Variants in PRIM2 observed in about 807,000 individuals in gnomAD.
PRIM2 encodes DNA primase large subunit.
PRIM2 carries 39 observed loss-of-function variants against 67.3 expected under a neutral mutation model. The observed-to-expected ratio is 0.58, with a 90% CI of 0.45 to 0.76. The LOEUF is 0.76. Among genes scored for constraint, PRIM2 ranks in the 30% least tolerant of loss-of-function variants. The pLI, the probability that PRIM2 is intolerant of heterozygous loss-of-function variation, is 0.00. For missense variants in PRIM2, 398 were observed against 598.7 expected, an observed-to-expected ratio of 0.66 and a Z score of 3.50; for synonymous variants, 143 against 198.7, an observed-to-expected ratio of 0.72 and a Z score of 2.36.
chr6:57,499,753 G>C (rs2127457053), intron 7 of PRIM2, among the ~76,000 whole-genome samples: 1 of 152,230 alleles, frequency 6.6e-6, no homozygotes, highest in African/African-American at 2.4e-5. Flanking sequence ...CCTAGTGATG[G>C]GAAAGAAAGA....
the PRIM2 span, among the ~76,000 whole-genome samples, chr6:57,245,221 T>C: frequency 6.6e-6 from 1 of 152,138 alleles, no homozygotes; most frequent in Non-Finnish European, 1.5e-5. Context: ...GGATGCCGGG[T>C]TGCTTGATGA....
At chr6:57,617,204 A>G (rs1413143776) in intron 12 of PRIM2, among the ~76,000 whole-genome samples, 6 of 152,136 alleles carry the variant, frequency 3.9e-5, no homozygotes, top group Admixed American at 3.9e-4. Flanking sequence ...TCCAAACTCT[A>G]TCTTTATTTT....
At chr6:57,642,588 A>G (rs1446687136) in intron 13 of PRIM2, among the ~76,000 whole-genome samples, 4 of 150,918 alleles carry the variant, frequency 2.7e-5, no homozygotes, top group Non-Finnish European at 5.9e-5. Flanking sequence ...GACTACAGGC[A>G]CGCGCCACCA....
At chr6:57,293,534 C>T in the PRIM2 span, among the ~76,000 whole-genome samples, 1 of 152,152 alleles carries the variant, frequency 6.6e-6, no homozygotes, top group African/African-American at 2.4e-5. Flanking sequence ...GACACATTCA[C>T]ATGTATATTT....
chr6:57,637,856 C>A (rs1777151610), intron 13 of PRIM2, among the ~76,000 whole-genome samples: 1 of 152,160 alleles, frequency 6.6e-6, no homozygotes, highest in Non-Finnish European at 1.5e-5. Flanking sequence ...ACTTCCCCAA[C>A]CTAGCAAGAC....
At chr6:57,497,072 G>A (rs1774020937) in intron 7 of PRIM2, among the ~76,000 whole-genome samples, 1 of 152,200 alleles carries the variant, frequency 6.6e-6, no homozygotes. Flanking sequence ...CAATGGCACT[G>A]TGTTACTCAG....
intron 10 of PRIM2, among the ~76,000 whole-genome samples, chr6:57,553,865 A>G (rs1197115109): frequency 5.3e-5 from 8 of 152,150 alleles, no homozygotes; most frequent in African/African-American, 1.9e-4. Context: ...ATGTTTCCAC[A>G]GTTTCTAAAT....
chr6:57,635,920 T>C (rs1343913900), intron 13 of PRIM2, among the ~76,000 whole-genome samples: 6 of 152,182 alleles, frequency 3.9e-5, no homozygotes, highest in Non-Finnish European at 8.8e-5. Flanking sequence ...TTTTTAAAAT[T>C]TTCAGTGGCT....
Position 57,402,250 on chromosome 6 carries a change from G to A in PRIM2, c.693+20082G>A, listed in dbSNP as rs201412796. 1.3e-3 allele frequency among the ~76,000 whole-genome samples: 204 copies of A among 152,296 alleles called. 6 individuals are homozygous for A. The East Asian group carries it at 0.038, about 28-fold the overall frequency. On this transcript the variant is annotated intron_variant, in intron 7 of 13. Transcript: ENST00000615550. ...AGATGGTAGTCTGCTCCTTCCTCTG[G>A]GAGCTCTGTGCCAGCAAGGTATGGA...
the PRIM2 span, among the ~76,000 whole-genome samples, chr6:57,226,368 G>A: frequency 0.88 from 133,685 of 152,232 alleles, 58,806 homozygotes; most frequent in East Asian, 0.97. Context: ...TGAGTTTGGT[G>A]AAGAATAGAC....
chr6:57,375,094 C>T (rs1581841009), intron 5 of PRIM2, among the ~76,000 whole-genome samples: 1 of 152,332 alleles, frequency 6.6e-6, no homozygotes, highest in Admixed American at 6.5e-5. Context: ...CAGGAACTTT[C>T]AAGACTATGT....
intron 6 of PRIM2, among the ~76,000 whole-genome samples, 182 bp downstream of exon 6, chr6:57,380,178 C>A (rs538370409): frequency 6.6e-6 from 1 of 152,288 alleles, no homozygotes; most frequent in East Asian, 1.9e-4. Context: ...TGTCTCCTTC[C>A]ACGGACGCAT....
the PRIM2 span, among the ~76,000 whole-genome samples, chr6:57,230,788 T>C: frequency 1.3e-5 from 2 of 152,222 alleles, no homozygotes; most frequent in Admixed American, 6.5e-5. Flanking sequence ...ACATTGAGTC[T>C]ATTTGAATAA....
intron 5 of PRIM2, among the ~76,000 whole-genome samples, chr6:57,367,076 T>C (rs567571596): frequency 6.6e-6 from 1 of 152,288 alleles, no homozygotes; most frequent in South Asian, 2.1e-4. Flanking sequence ...AACCAGACAA[T>C]TGATTTTTAT....
intron 7 of PRIM2, among the ~76,000 whole-genome samples, chr6:57,472,284 C>G (rs1164121521): frequency 1.3e-5 from 2 of 151,692 alleles, no homozygotes; most frequent in Non-Finnish European, 2.9e-5. Context: ...ACAAAAATTA[C>G]CTGGGCGTGG....
intron 5 of PRIM2, among the ~76,000 whole-genome samples, chr6:57,374,561 G>C (rs956589028): frequency 1.3e-5 from 2 of 148,802 alleles, no homozygotes; most frequent in Non-Finnish European, 3.0e-5. Context: ...CAAAGTGCTG[G>C]GATTACAGGC....
the PRIM2 span, among the ~76,000 whole-genome samples, chr6:57,301,201 G>C: frequency 6.6e-6 from 1 of 152,182 alleles, no homozygotes; most frequent in Non-Finnish European, 1.5e-5. Context: ...AAGAATGGGA[G>C]AGTCAGCTGG....
At chr6:57,600,314 A>G (rs1292383513) in intron 10 of PRIM2, among the ~76,000 whole-genome samples, 3 of 148,966 alleles carry the variant, frequency 2.0e-5, no homozygotes, top group East Asian at 2.0e-4. Context: ...ACTACTTTGT[A>G]TAGTGGAAAT....
intron 7 of PRIM2, chr6:57,434,957 T>TG (rs913347636): frequency 6.6e-6 from 1 of 151,434 alleles, no homozygotes; most frequent in East Asian, 2.0e-4. Flanking sequence ...GTATTTTTTT[T>TG]TTTGTTTTTG....
Sources: allele counts gnomAD v4.1 joint callset (sites outside exome capture counted in the v4.1 genomes callset), GRCh38; gene constraint gnomAD v4.1.1; transcripts MANE v1.5; gene names NCBI Gene and HGNC (gene_info 2026-07-23, HGNC 2026-07-21).